PCSK5: variants seen among roughly 807,000 people sequenced by gnomAD.
PCSK5 encodes proprotein convertase subtilisin/kexin type 5.
In PCSK5, 129 loss-of-function variants were observed where a neutral mutation model predicts 233.2. The ratio of observed to expected loss-of-function variants is 0.55; its 90% CI spans 0.48 to 0.64. The LOEUF (loss-of-function observed/expected upper bound fraction) is 0.64. Ranked by LOEUF, PCSK5 falls within the 30% of genes least tolerant of loss-of-function variation. The pLI, the probability that PCSK5 is intolerant of heterozygous loss-of-function variation, is 0.00. For missense variants in PCSK5, 2,076 were observed against 2,430.1 expected (o/e 0.85, Z 3.06); for synonymous variants, 825 against 879.2 (o/e 0.94, Z 1.09).
At position 76,296,872 on chromosome 9, in the gene PCSK5, G is replaced by GA. The variant is rs1828456304; in HGVS notation, c.3523+7_3523+8insA. Reference sequence around the variant, plus strand: ...GAGGGCAAATTCTGGAATGGTATGTGCCCCCCAAAAAAGAGGTCACAGGGG... The same window carrying GA: ...GAGGGCAAATTCTGGAATGGTATGTGACCCCCCAAAAAAGAGGTCACAGGGG... On this transcript the variant is annotated splice_region_variant and intron_variant, in intron 27 of 37. Coordinates refer to ENST00000674117, the MANE Select transcript of PCSK5 (RefSeq NM_001372043.1). 1 of 1,587,670 alleles carries GA rather than the reference G, an allele frequency of 6.3e-7. No individual in the cohort carries two copies. Among genetic ancestry groups the GA allele is most frequent in the East Asian group, 2.3e-5 (1 of 44,428 alleles).
At chr9:76,129,277 G>A (rs1325398833) in intron 9 of PCSK5, among the ~76,000 whole-genome samples, 3 of 152,040 alleles carry the variant, frequency 2.0e-5, no homozygotes, top group African/African-American at 7.2e-5. Flanking sequence ...TTTTATTTTG[G>A]ATTGAAGGAG....
chr9:75,932,477 A>G lies in PCSK5; in HGVS notation c.291A>G (p.Glu97=). ...SRGTHSFISM[E]PKVEWIQQQV... ...GGACCCACAGTTTCATTTCAATGGA[A>G]CCAAAGGTAAGAAGAACCAGTTGCG... The change falls in exon 2 of 38, where the codon GAA becomes GAG. Residue 97 remains glutamate, a synonymous_variant. Coordinates refer to ENST00000674117, the MANE Select transcript of PCSK5 (RefSeq NM_001372043.1). 6.3e-7 allele frequency: 1 copy of G among 1,598,052 alleles called. No individual in the cohort carries two copies. Among genetic ancestry groups the G allele is most frequent in the Non-Finnish European group, 8.6e-7 (1 of 1,165,356 alleles).
chr9:76,300,531 A>G (rs993915035), intron 27 of PCSK5, among the ~76,000 whole-genome samples: 5 of 152,190 alleles, frequency 3.3e-5, no homozygotes, highest in Non-Finnish European at 7.4e-5. Flanking sequence ...CAGAAATTGG[A>G]AACACTACAA....
At position 76,023,823 on chromosome 9, in the gene PCSK5, T is replaced by TG; in HGVS notation, c.499dup (p.Val167GlyfsTer6). The TG allele has an allele frequency of 6.2e-7, 1 of 1,613,526 alleles. No homozygotes were observed. Among genetic ancestry groups the TG allele is most frequent in the Non-Finnish European group, 8.5e-7 (1 of 1,179,596 alleles). Reference sequence around the variant, plus strand: ...AGAGGCTACACGGGAAAGAACATTGTGGTCACTATCCTGGATGACGGAATT... The same window carrying TG: ...AGAGGCTACACGGGAAAGAACATTGTGGGTCACTATCCTGGATGACGGAATT... On this transcript the variant is annotated frameshift_variant, in exon 4 of 38. Coordinates refer to ENST00000674117, the MANE Select transcript of PCSK5 (RefSeq NM_001372043.1). LOFTEE classifies it high-confidence loss of function.
At chr9:76,302,357 G>A in intron 28 of PCSK5, 140 bp downstream of exon 28, 1 of 332,018 alleles carries the variant, frequency 3.0e-6, no homozygotes, top group Non-Finnish European at 5.9e-6. Context: ...AGAAAAAGTT[G>A]GAGACAGGAG....
intron 5 of PCSK5, among the ~76,000 whole-genome samples, chr9:76,057,286 C>G (rs1037494092): frequency 3.3e-5 from 5 of 152,096 alleles, no homozygotes; most frequent in African/African-American, 1.2e-4. Context: ...TACACTTGAA[C>G]TTCAAACAGG....
chr9:76,235,022 C>A (rs1826205550), intron 22 of PCSK5, among the ~76,000 whole-genome samples: 2 of 152,188 alleles, frequency 1.3e-5, no homozygotes, highest in African/African-American at 4.8e-5. Flanking sequence ...CCTTCATGAG[C>A]CTCAACACAT....
chr9:76,205,685 A>G (rs754844643), intron 20 of PCSK5, among the ~76,000 whole-genome samples: 2 of 152,238 alleles, frequency 1.3e-5, no homozygotes, highest in Non-Finnish European at 2.9e-5. Flanking sequence ...ACGAGACAAC[A>G]TCAGCCTCCT....
chr9:75,975,084 A>G (rs1223526649), intron 2 of PCSK5, among the ~76,000 whole-genome samples: 3 of 152,236 alleles, frequency 2.0e-5, no homozygotes, highest in Non-Finnish European at 4.4e-5. Flanking sequence ...CTCCCAGAGT[A>G]TTGAGAATGC....
At chr9:76,053,091 T>C (rs1829690567) in intron 5 of PCSK5, among the ~76,000 whole-genome samples, 1 of 152,204 alleles carries the variant, frequency 6.6e-6, no homozygotes, top group Non-Finnish European at 1.5e-5. Context: ...CTGGAGGCTT[T>C]CACAGGCTGG....
intron 24 of PCSK5, among the ~76,000 whole-genome samples, chr9:76,264,835 T>C (rs1329602981): frequency 2.0e-5 from 3 of 152,188 alleles, no homozygotes; most frequent in African/African-American, 7.2e-5. Flanking sequence ...CTCAAAGATC[T>C]TAAAGCAGAA....
intron 20 of PCSK5, among the ~76,000 whole-genome samples, chr9:76,203,899 G>A (rs1357869448): frequency 6.6e-6 from 1 of 152,122 alleles, no homozygotes; most frequent in Non-Finnish European, 1.5e-5. Context: ...TCCTGGCTCT[G>A]TCATTTACTA....
intron 20 of PCSK5, 55 bp downstream of exon 20, chr9:76,189,801 T>C: frequency 1.5e-6 from 1 of 648,020 alleles, no homozygotes. Flanking sequence ...CTTTCTACTT[T>C]CAGGACTAAT....
At position 76,046,229 on chromosome 9, in the gene PCSK5, A is replaced by G. The variant is rs867156295; in HGVS notation, c.632+19192A>G. On this transcript the variant is annotated intron_variant, in intron 5 of 37. Transcript: ENST00000674117. ...GTCTCGCCCTCTCGCCCAGGCTGGA[A>G]TGCAGTGGTGCAATCCCGGCTCACT... Among the ~76,000 whole-genome samples the G allele has an allele frequency of 1.4e-3, 161 of 115,884 alleles. 1 individual carries two copies. The highest frequency in any genetic ancestry group is 5.2e-3 in the African/African-American group (158 of 30,584). The allele number at this position is 115,884 out of a possible 152,430, so 76.0% of individuals were successfully genotyped here.
At chr9:76,028,488 G>T (rs1828522766) in intron 5 of PCSK5, among the ~76,000 whole-genome samples, 1 of 152,110 alleles carries the variant, frequency 6.6e-6, no homozygotes, top group Non-Finnish European at 1.5e-5. Flanking sequence ...GAATCATAGG[G>T]GGCTGAAGTG....
rs1028785419 is a variant in PCSK5, at chr9:75,890,982, A to G, written c.-200A>G. On this transcript the variant is annotated 5_prime_UTR_variant, in exon 1 of 38. Coordinates refer to ENST00000674117, the MANE Select transcript of PCSK5 (RefSeq NM_001372043.1). ...TGGGAGCACAGGTCCCGGCAGCCCC[A>G]GGGATGGTCTAGGAGCCGGCGTAAG... 2.6e-5 allele frequency: 11 copies of G among 427,152 alleles called. No homozygotes were observed. In the Admixed American group the frequency reaches 4.5e-4, roughly 17 times the overall value. 26.5% of individuals were successfully genotyped at this position (427,152 alleles called of 1,614,324 possible). A position where few individuals can be genotyped will look rare whatever the true frequency, so the allele number is the denominator to read the frequency against.
chr9:76,249,751 G>A (rs1379354586), intron 24 of PCSK5, among the ~76,000 whole-genome samples: 4 of 152,190 alleles, frequency 2.6e-5, no homozygotes, highest in African/African-American at 9.7e-5. Flanking sequence ...AGAAAGTAAG[G>A]AGGTGCTCAA....
Position 76,323,051 on chromosome 9 carries a change from G to T in PCSK5, c.4103-1G>T. 1 of 1,564,164 alleles carries T rather than the reference G, an allele frequency of 6.4e-7. No homozygotes were observed. Among genetic ancestry groups the T allele is most frequent in the Non-Finnish European group, 8.7e-7 (1 of 1,144,168 alleles). ...AACTTGCTGCTTCCTCCTTTTCCCA[G>T]AGTGCACGCCTGAGTTCTTCCTGCA... On this transcript the variant is annotated splice_acceptor_variant, in intron 31 of 37. Transcript: ENST00000674117. LOFTEE classifies it high-confidence loss of function.
At chr9:76,259,027 A>G (rs1260499416) in intron 24 of PCSK5, among the ~76,000 whole-genome samples, 2 of 152,222 alleles carry the variant, frequency 1.3e-5, no homozygotes, top group Non-Finnish European at 2.9e-5. Flanking sequence ...GCTATGCCCA[A>G]TTAACAAACA....
Sources: allele counts gnomAD v4.1 joint callset (sites outside exome capture counted in the v4.1 genomes callset), GRCh38; gene constraint gnomAD v4.1.1; transcripts MANE v1.5; gene names NCBI Gene and HGNC (gene_info 2026-07-23, HGNC 2026-07-21).